Variants in LOXL3 observed in about 807,000 individuals in gnomAD.
LOXL3 encodes lysyl oxidase homolog 3.
Under a neutral mutation model 91.8 loss-of-function variants are expected in LOXL3, and 60 were observed. The ratio of observed to expected loss-of-function variants is 0.65; its 90% CI spans 0.53 to 0.81. The LOEUF (loss-of-function observed/expected upper bound fraction) is 0.81. LOXL3 is among the 30% of genes least tolerant of loss of function. The pLI, the probability that LOXL3 is intolerant of heterozygous loss-of-function variation, is 0.00. For synonymous variants in LOXL3, 355 were observed against 387.6 expected (o/e 0.92, Z 0.99); for missense variants, 874 against 1,000.4 (o/e 0.87, Z 1.70).
chr2:74,534,079 G>A, intron 12 of LOXL3, 21 bp downstream of exon 12: 1 of 1,613,438 alleles, frequency 6.2e-7, no homozygotes, highest in Non-Finnish European at 8.5e-7. Flanking sequence ...CACCCATCTG[G>A]AAGCCCCAGA....
chr2:74,539,405 A>AGG (rs1305358385), intron 4 of LOXL3, among the ~76,000 whole-genome samples: 1 of 152,080 alleles, frequency 6.6e-6, no homozygotes, highest in African/African-American at 2.4e-5. Context: ...ATGTCAATCC[A>AGG]GGTGGGGGAG....
At chr2:74,552,086 A>G (rs1441199481) in intron 2 of LOXL3, among the ~76,000 whole-genome samples, 1 of 152,218 alleles carries the variant, frequency 6.6e-6, no homozygotes, top group African/African-American at 2.4e-5. Flanking sequence ...GAACTTAGAC[A>G]TCATCTAGTC....
At chr2:74,533,729 G>A in intron 13 of LOXL3, 50 bp from the exon 14 acceptor site, 1 of 1,563,234 alleles carries the variant, frequency 6.4e-7, no homozygotes, top group Non-Finnish European at 8.8e-7. Context: ...GAGGGAGGGA[G>A]ATAGATGCAC....
chr2:74,543,734 T>C (rs147268076), intron 4 of LOXL3, among the ~76,000 whole-genome samples: 6 of 150,646 alleles, frequency 4.0e-5, no homozygotes, highest in Non-Finnish European at 8.9e-5. Context: ...TTACTAAAAA[T>C]ACCCAAAAAT....
At chr2:74,555,493 A>T (rs550073039), upstream of LOXL3, 4 of 1,610,162 alleles carry the variant, frequency 2.5e-6, no homozygotes, top group Admixed American at 6.7e-5. This position sits in a 1 kb window ranked among gnomAD's most constrained non-coding sequence, Gnocchi z 6.1. Context: ...GCAGTTACAG[A>T]GGCAGAGAAA....
Position 74,533,098 on chromosome 2 carries a change from C to T in LOXL3, c.*508G>A, listed in dbSNP as rs1675746227. On this transcript the variant is annotated 3_prime_UTR_variant, in exon 14 of 14. Transcript: ENST00000264094. ...AATGAACCAGTGGGGGCAGGTCCCT[C>T]CAACCACCAGCACTGACTCCTGGGC... 3.2e-6 allele frequency: 3 copies of T among 935,872 alleles called. No individual in the cohort carries two copies. The highest frequency in any genetic ancestry group is 1.6e-5 in the African/African-American group (1 of 61,362). 58.0% of individuals were successfully genotyped at this position (935,872 alleles called of 1,614,324 possible). A position where few individuals can be genotyped will look rare whatever the true frequency, so the allele number is the denominator to read the frequency against.
chr2:74,551,905 G>C (rs1677041270), intron 2 of LOXL3, among the ~76,000 whole-genome samples: 1 of 152,270 alleles, frequency 6.6e-6, no homozygotes, highest in African/African-American at 2.4e-5. Context: ...CCCATAACCT[G>C]ATTTTGTTAG....
In LOXL3 at chr2:74,549,869, TGAA is replaced by T. The variant is rs1297320612; in HGVS notation, c.478-289_478-287del. On this transcript the variant is annotated intron_variant, in intron 3 of 13. Coordinates refer to ENST00000264094, the MANE Select transcript of LOXL3 (RefSeq NM_032603.5). This position sits in a 1 kb window ranked among gnomAD's most constrained non-coding sequence, Gnocchi z 5.3. ...GAGCACTTCAAAAAGGAAATGGCTTTGAAGGAGGAGAAAGTCAGAAGGAAGATG... is the reference window on the plus strand; with the variant it reads ...GAGCACTTCAAAAAGGAAATGGCTTTGGAGGAGAAAGTCAGAAGGAAGATG... The T allele has an allele frequency of 1.0e-6, 1 of 985,246 alleles. No individual in the cohort carries two copies. Among genetic ancestry groups the T allele is most frequent in the Non-Finnish European group, 1.2e-6 (1 of 829,912 alleles). 61.0% of individuals were successfully genotyped at this position (985,246 alleles called of 1,614,324 possible).
chr2:74,535,442 A>G lies in LOXL3; in HGVS notation c.1429T>C (p.Trp477Arg). Reference sequence around the variant, plus strand: ...ACCTCTGTTATATTCCCAGAGTCCCAGTACCAGGTCTCCTGGGGACATATG... The same window carrying G: ...ACCTCTGTTATATTCCCAGAGTCCCGGTACCAGGTCTCCTGGGGACATATG... Reference protein sequence around the residue: ...ANHGLQETWYWDSGNITEVVM... With the variant: ...ANHGLQETWYRDSGNITEVVM... Residue 477 changes from tryptophan (W) to arginine (R), a missense_variant, in exon 9 of 14, where the codon TGG becomes CGG. Physicochemically the swap from Trp to Arg is moderately radical, Grantham distance 101. Transcript: ENST00000264094. This position sits in a 1 kb window ranked among gnomAD's most constrained non-coding sequence, Gnocchi z 4.2. 1 of 1,613,966 alleles carries G rather than the reference A, an allele frequency of 6.2e-7. No homozygotes were observed. The highest frequency in any genetic ancestry group is 8.5e-7 in the Non-Finnish European group (1 of 1,180,030).
chr2:74,545,646 T>C (rs1676545481), intron 4 of LOXL3, among the ~76,000 whole-genome samples: 1 of 152,204 alleles, frequency 6.6e-6, no homozygotes, highest in African/African-American at 2.4e-5. Flanking sequence ...CTGACTTAGC[T>C]GGTCACTCTC....
chr2:74,534,845 C>T, intron 9 of LOXL3, 71 bp from the exon 10 acceptor site: 4 of 1,499,040 alleles, frequency 2.7e-6, no homozygotes, highest in Non-Finnish European at 3.7e-6. Flanking sequence ...TCCATCCCTC[C>T]CTAGTGTGTA....
rs200301764 is a variant in LOXL3, at chr2:74,532,785, C to G, written c.*821G>C. The G allele has an allele frequency of 1.2e-6, 2 of 1,613,734 alleles. No individual in the cohort carries two copies. Among genetic ancestry groups the G allele is most frequent in the Admixed American group, 1.7e-5 (1 of 59,978 alleles). ...ATGTGTCCTTGAACTAGGCTTTGTA[C>G]TCCTTCCTTTCTCTCTGTCCATTTT... On this transcript the variant is annotated 3_prime_UTR_variant, in exon 14 of 14. Transcript: ENST00000264094.
intron 3 of LOXL3, 90 bp downstream of exon 3, chr2:74,550,095 G>GTAAC: frequency 6.7e-7 from 1 of 1,502,542 alleles, no homozygotes; most frequent in East Asian, 2.3e-5. Context: ...TCCCCCAGGG[G>GTAAC]TAACTACCTT....
At position 74,536,546 on chromosome 2, in the gene LOXL3, A is replaced by G; in HGVS notation, c.913-75T>C. ...GAGGGCTAAGCAGACCTGGGAGATG[A>G]GTGAGACTTTGGTGGAAGGGAGTGG... On this transcript the variant is annotated intron_variant, in intron 5 of 13. Transcript: ENST00000264094. The surrounding 1 kb of genome is among the most constrained non-coding windows in gnomAD (Gnocchi z 4.5). The G allele has an allele frequency of 6.6e-7, 1 of 1,513,798 alleles. No homozygotes were observed. The highest frequency in any genetic ancestry group is 9.0e-7 in the Non-Finnish European group (1 of 1,115,832). 93.8% of individuals were successfully genotyped at this position (1,513,798 alleles called of 1,614,324 possible).
intron 4 of LOXL3, among the ~76,000 whole-genome samples, chr2:74,539,198 A>G (rs1676180576): frequency 6.6e-6 from 1 of 152,184 alleles, no homozygotes; most frequent in Admixed American, 6.5e-5. Context: ...GGAAGTTGGT[A>G]GAGGTAGTGG....
chr2:74,550,932 C>T (rs1472941000), intron 2 of LOXL3, among the ~76,000 whole-genome samples: 1 of 149,822 alleles, frequency 6.7e-6, no homozygotes, highest in African/African-American at 2.4e-5. Flanking sequence ...TGTCTGAAAC[C>T]TGTTTTTTTT....
chr2:74,549,796 G>C lies in LOXL3; in HGVS notation c.478-213C>G. 1.4e-6 allele frequency: 2 copies of C among 1,414,672 alleles called. No homozygotes were observed. The highest frequency in any genetic ancestry group is 3.3e-5 in the South Asian group (2 of 61,414). 87.6% of individuals were successfully genotyped at this position (1,414,672 alleles called of 1,614,324 possible). A position where few individuals can be genotyped will look rare whatever the true frequency, so the allele number is the denominator to read the frequency against. On this transcript the variant is annotated intron_variant, in intron 3 of 13. Transcript: ENST00000264094. This position sits in a 1 kb window ranked among gnomAD's most constrained non-coding sequence, Gnocchi z 5.3. Reference sequence around the variant, plus strand: ...TGGGATGTGCTGTGCTCCCAGAGAGGATTCAGGGCACTAGGAAGGAGGCCC... The same window carrying C: ...TGGGATGTGCTGTGCTCCCAGAGAGCATTCAGGGCACTAGGAAGGAGGCCC...
Position 74,533,538 on chromosome 2 carries a change from C to A in LOXL3, c.*68G>T. The stretch of plus-strand genomic sequence containing the variant: ...CTGACATGGGTTTCTTGGTAAGCTC[C>A]TGAGGTAATGGCAGCCTCAGACCCC... On this transcript the variant is annotated 3_prime_UTR_variant, in exon 14 of 14. Coordinates refer to ENST00000264094, the MANE Select transcript of LOXL3 (RefSeq NM_032603.5). The A allele has an allele frequency of 7.0e-7, 1 of 1,437,630 alleles. No individual in the cohort carries two copies. Among genetic ancestry groups the A allele is most frequent in the Non-Finnish European group, 9.7e-7 (1 of 1,026,626 alleles). The allele number at this position is 1,437,630 out of a possible 1,614,324, so 89.1% of individuals were successfully genotyped here.
In LOXL3 at chr2:74,536,271, C is replaced by G. The variant is rs762355985; in HGVS notation, c.1093+20G>C. On this transcript the variant is annotated intron_variant, in intron 6 of 13. Coordinates refer to ENST00000264094, the MANE Select transcript of LOXL3 (RefSeq NM_032603.5). The surrounding 1 kb of genome is among the most constrained non-coding windows in gnomAD (Gnocchi z 4.5). ...GCATGTACCTCCTTCCCTCTCCCTC[C>G]CACCTCCATGCCACCTCACCCTGCC... 1.2e-6 allele frequency: 2 copies of G among 1,613,090 alleles called. No individual in the cohort carries two copies. The highest frequency in any genetic ancestry group is 2.7e-5 in the African/African-American group (2 of 74,906).
Sources: gnomAD v4.1 joint callset for allele counts (sites outside exome capture counted in the v4.1 genomes callset) on GRCh38, gnomAD v4.1.1 for gene constraint, Gnocchi (gnomAD v3.1) non-coding constraint, MANE v1.5 for transcripts, NCBI Gene and HGNC (gene_info 2026-07-23, HGNC 2026-07-21) for gene names.